ARL5A: variants seen among roughly 807,000 people sequenced by gnomAD.
The protein encoded by ARL5A is ARF like GTPase 5A.
Under a neutral mutation model 25.9 loss-of-function variants are expected in ARL5A, and 18 were observed. The ratio of observed to expected loss-of-function variants is 0.69; its 90% CI spans 0.48 to 1.03. ARL5A has a LOEUF of 1.03. Among genes scored for constraint, ARL5A ranks in the 50% least tolerant of loss-of-function variants. The probability of loss-of-function intolerance (pLI) is 0.00; values close to 1 mark genes in which losing one functional copy is unlikely to be tolerated. For missense variants in ARL5A, 170 were observed against 211.9 expected, an observed-to-expected ratio of 0.80 and a Z score of 1.23; for synonymous variants, 61 against 67.5, an observed-to-expected ratio of 0.90 and a Z score of 0.47.
rs2099831181 is a variant in ARL5A at position 151,814,059 on chromosome 2, T to C, written c.255+110A>G. On this transcript the variant is annotated intron_variant, in intron 3 of 5. Transcript: ENST00000295087. ...CAGATTTTACTCTGCTTAAACTCTC[T>C]ATGTATTAACATACTGTGATATTTC... 3 of 1,007,996 alleles carry C rather than the reference T, an allele frequency of 3.0e-6. No homozygotes were observed. In the Admixed American group the frequency reaches 8.5e-5, roughly 29 times the overall value. The allele number at this position is 1,007,996 out of a possible 1,614,324, so 62.4% of individuals were successfully genotyped here.
At chr2:151,812,823 C>A (rs555787790) in intron 3 of ARL5A, among the ~76,000 whole-genome samples, 9 of 152,108 alleles carry the variant, frequency 5.9e-5, no homozygotes, top group African/African-American at 2.2e-4. Context: ...TCAATCTGAA[C>A]ACCTAAAAGG....
At chr2:151,807,731 T>A (rs1315600387) in intron 4 of ARL5A, among the ~76,000 whole-genome samples, 1 of 152,196 alleles carries the variant, frequency 6.6e-6, no homozygotes, top group African/African-American at 2.4e-5. Flanking sequence ...AATACAGCCA[T>A]CTTGGAGTGG....
intron 5 of ARL5A, among the ~76,000 whole-genome samples, chr2:151,806,375 T>C (rs563930683): frequency 2.0e-5 from 3 of 152,288 alleles, no homozygotes; most frequent in Admixed American, 6.5e-5. Flanking sequence ...TCTCTTTGAT[T>C]TGAGCTTCTT....
intron 5 of ARL5A, among the ~76,000 whole-genome samples, chr2:151,803,570 A>G (rs964715182): frequency 3.3e-5 from 5 of 152,054 alleles, no homozygotes; most frequent in Admixed American, 6.6e-5. Context: ...CTGGAGTGCA[A>G]TGGCACAATC....
Position 151,803,193 on chromosome 2 carries a change from A to G in ARL5A, c.*83T>C. On this transcript the variant is annotated 3_prime_UTR_variant, in exon 6 of 6. Transcript: ENST00000295087. ...GTTTAAATCAGTTTATTATAAATATATCTAAACCATTAATTTTTGCAGCTT... is the reference window on the plus strand; with the variant it reads ...GTTTAAATCAGTTTATTATAAATATGTCTAAACCATTAATTTTTGCAGCTT... 2 of 946,762 alleles carry G rather than the reference A, an allele frequency of 2.1e-6. No homozygotes were observed. The highest frequency in any genetic ancestry group is 1.5e-5 in the South Asian group (1 of 66,556). 58.6% of individuals were successfully genotyped at this position (946,762 alleles called of 1,614,324 possible).
chr2:151,818,514 C>A (rs1210161884), intron 1 of ARL5A, among the ~76,000 whole-genome samples: 1 of 152,124 alleles, frequency 6.6e-6, no homozygotes, highest in Non-Finnish European at 1.5e-5. Flanking sequence ...TGGGCTCAAG[C>A]AATCCTCCCG....
chr2:151,814,772 C>G (rs1255256095), intron 2 of ARL5A, among the ~76,000 whole-genome samples: 3 of 151,906 alleles, frequency 2.0e-5, no homozygotes, highest in Admixed American at 2.0e-4. Context: ...GATGGCATCT[C>G]ACTATGTGAC....
At chr2:151,809,093 G>A (rs373449906) in intron 4 of ARL5A, among the ~76,000 whole-genome samples, 3 of 152,088 alleles carry the variant, frequency 2.0e-5, no homozygotes, top group Admixed American at 1.3e-4. Flanking sequence ...ATGTGGCTGA[G>A]TCAATAAGTA....
rs763549674 is a variant in ARL5A at position 151,806,630 on chromosome 2, ATGT to A, written c.491+188_491+190del. 1.2e-4 allele frequency among the ~76,000 whole-genome samples: 18 copies of A among 152,190 alleles called. No homozygotes were observed. The East Asian group carries it at 3.5e-3, about 29-fold the overall frequency. On this transcript the variant is annotated intron_variant, in intron 5 of 5. Coordinates refer to ENST00000295087, the MANE Select transcript of ARL5A (RefSeq NM_012097.4). ...CATGTTCAGTAGGTTTATGTGTATTATGTTTATATTGTTTTACTATTTACAGAA... is the reference window on the plus strand; with the variant it reads ...CATGTTCAGTAGGTTTATGTGTATTATTATATTGTTTTACTATTTACAGAA...
chr2:151,821,853 A>ATATT (rs1163018880), intron 1 of ARL5A, among the ~76,000 whole-genome samples: 1 of 76,296 alleles, frequency 1.3e-5, no homozygotes, highest in East Asian at 3.4e-4. Context: ...TAATTTATTT[A>ATATT]TATTTATTTA....
intron 5 of ARL5A, among the ~76,000 whole-genome samples, chr2:151,806,372 G>C (rs1019821388): frequency 6.6e-5 from 10 of 152,082 alleles, no homozygotes; most frequent in African/African-American, 2.4e-4. Context: ...AATTCTCTTT[G>C]ATTTGAGCTT....
chr2:151,823,308 T>G (rs1044671312), intron 1 of ARL5A, among the ~76,000 whole-genome samples: 1 of 152,216 alleles, frequency 6.6e-6, no homozygotes, highest in Non-Finnish European at 1.5e-5. Flanking sequence ...TATTAAAAGT[T>G]CAATTTTTAA....
chr2:151,821,274 C>G (rs1443984639), intron 1 of ARL5A, among the ~76,000 whole-genome samples: 1 of 152,140 alleles, frequency 6.6e-6, no homozygotes. Context: ...ACTCTTAAGA[C>G]CTAAGCAGAT....
At chr2:151,825,181 G>T (rs550148176) in intron 1 of ARL5A, among the ~76,000 whole-genome samples, 1 of 152,110 alleles carries the variant, frequency 6.6e-6, no homozygotes, top group African/African-American at 2.4e-5. Context: ...TTTGTTTATT[G>T]AGAACAAGTA....
chr2:151,808,488 C>CT (rs1559818706), intron 4 of ARL5A, among the ~76,000 whole-genome samples: 3 of 152,136 alleles, frequency 2.0e-5, no homozygotes, highest in Non-Finnish European at 2.9e-5. Context: ...TCAAGACTGA[C>CT]TTTAATTACA....
chr2:151,810,537 C>T (rs1331102732), intron 4 of ARL5A: 4 of 442,598 alleles, frequency 9.0e-6, no homozygotes, highest in Non-Finnish European at 1.8e-5. Context: ...TCCAACTAGG[C>T]CCTACTTAGG....
intron 4 of ARL5A, among the ~76,000 whole-genome samples, chr2:151,810,157 T>C (rs2099830647): frequency 6.6e-6 from 1 of 152,210 alleles, no homozygotes; most frequent in Non-Finnish European, 1.5e-5. Flanking sequence ...TGAATAAAAT[T>C]TCAGACTTTG....
In ARL5A at chr2:151,801,995, C is replaced by T. The variant is rs2099829477; in HGVS notation, c.*1281G>A. The T allele has an allele frequency of 6.6e-6, 1 of 152,168 alleles. No individual in the cohort carries two copies. Among genetic ancestry groups the T allele is most frequent in the East Asian group, 1.9e-4 (1 of 5,190 alleles). The allele number at this position is 152,168 out of a possible 1,614,324, so 9.4% of individuals were successfully genotyped here. On this transcript the variant is annotated 3_prime_UTR_variant, in exon 6 of 6. Coordinates refer to ENST00000295087, the MANE Select transcript of ARL5A (RefSeq NM_012097.4). Reference sequence around the variant, plus strand: ...AAAGGTGTTTTGGGTCAAGTTACTTCTTAGTACAAATAATACGTTGTATCA... The same window carrying T: ...AAAGGTGTTTTGGGTCAAGTTACTTTTTAGTACAAATAATACGTTGTATCA...
At chr2:151,820,015 C>T (rs1354856725) in intron 1 of ARL5A, among the ~76,000 whole-genome samples, 1 of 152,154 alleles carries the variant, frequency 6.6e-6, no homozygotes, top group Non-Finnish European at 1.5e-5. Context: ...TCATACCTGG[C>T]CACTAGCTGA....
Sources: gnomAD v4.1 joint callset for allele counts (sites outside exome capture counted in the v4.1 genomes callset) on GRCh38, gnomAD v4.1.1 for gene constraint, MANE v1.5 for transcripts, NCBI Gene and HGNC (gene_info 2026-07-23, HGNC 2026-07-21) for gene names.